The following EXOC7 variants were observed in gnomAD, a reference collection of about 807,000 sequenced individuals.
EXOC7 encodes the protein exocyst complex component 7.
EXOC7 carries 51 observed loss-of-function variants against 87.6 expected under a neutral mutation model. That is an observed-to-expected ratio of 0.58 (90% CI 0.46 to 0.73). The LOEUF is 0.73. Among genes scored for constraint, EXOC7 ranks in the 30% least tolerant of loss-of-function variants. The probability of loss-of-function intolerance (pLI) is 0.00; values close to 1 mark genes in which losing one functional copy is unlikely to be tolerated. For synonymous variants in EXOC7, 327 were observed against 357.1 expected, an observed-to-expected ratio of 0.92 and a Z score of 0.95; for missense variants, 744 against 888.4, an observed-to-expected ratio of 0.84 and a Z score of 2.07.
At position 76,088,140 on chromosome 17, in the gene EXOC7, C is replaced by T; in HGVS notation, c.1300-18G>A. ...GGGTCATTCTGTGGAAAAACAGCCT[C>T]TGGTTCCCTGAAGCAGCCCCCAGCC... On this transcript the variant is annotated intron_variant, in intron 10 of 18. Transcript: ENST00000589210. 3 of 1,613,204 alleles carry T rather than the reference C, an allele frequency of 1.9e-6. No individual in the cohort carries two copies. The highest frequency in any genetic ancestry group is 2.5e-6 in the Non-Finnish European group (3 of 1,179,660).
chr17:76,103,428 T>TG lies in EXOC7; in HGVS notation c.61-3dup, dbSNP rs775216746. ...GATGAAGGACAGAGTCTCCTCCTCC[T>TG]GGGGGCAGGCAAGGGGAGGACATCA... On this transcript the variant is annotated splice_region_variant and splice_polypyrimidine_tract_variant and intron_variant, in intron 1 of 18. Transcript: ENST00000589210. The TG allele has an allele frequency of 1.9e-6, 3 of 1,600,146 alleles. No homozygotes were observed. The highest frequency in any genetic ancestry group is 2.3e-5 in the South Asian group (2 of 88,848).
At chr17:76,087,757 C>T in intron 11 of EXOC7, 37 bp from the exon 12 acceptor site, 5 of 1,547,512 alleles carry the variant, frequency 3.2e-6, no homozygotes, top group Non-Finnish European at 4.4e-6. Flanking sequence ...GGGCAAGTGG[C>T]AGGCCCGGCC....
rs1220208708 is a variant in EXOC7 at position 76,088,821 on chromosome 17, T to C, written c.1150A>G (p.Ile384Val). 23 of 1,613,686 alleles carry C rather than the reference T, an allele frequency of 1.4e-5. No individual in the cohort carries two copies. The highest frequency in any genetic ancestry group is 5.1e-6 in the Non-Finnish European group (6 of 1,180,014). ...TTGGTCTGCTTGAGGTGTCGCAGGA[T>C]GGGGAAGACGGTGAGCACCGTGGAG... ...DFSTVLTVFP[I>V]LRHLKQTKPE... Residue 384 changes from isoleucine (I) to valine (V), a missense_variant, in exon 9 of 19, where the codon ATC becomes GTC. Ile to Val is a conservative substitution (Grantham distance 29, BLOSUM62 3). Around this residue, in one of 3 missense-constraint regions of EXOC7, gnomAD observed 512 missense variants for 573.0 expected, o/e 0.89. Transcript: ENST00000589210.
At chr17:76,088,663 C>G in intron 9 of EXOC7, 101 bp from the exon 10 acceptor site, 1 of 1,594,842 alleles carries the variant, frequency 6.3e-7, no homozygotes. Context: ...ACCTTCAGAG[C>G]AGAAGTGTGG....
At chr17:76,085,179 A>T (rs2067154521) in intron 15 of EXOC7, 135 bp downstream of exon 15, 1 of 736,562 alleles carries the variant, frequency 1.4e-6, no homozygotes, top group Admixed American at 2.3e-5. Flanking sequence ...GAGTTTGATT[A>T]GAAACCAAGT....
chr17:76,082,533 G>A lies in EXOC7; in HGVS notation c.*1115C>T. 6.2e-7 allele frequency: 1 copy of A among 1,613,890 alleles called. No homozygotes were observed. The highest frequency in any genetic ancestry group is 8.5e-7 in the Non-Finnish European group (1 of 1,179,944). ...CTGCTGACCGCATCTTCTTCCTCGT[G>A]TATGTGGTTGGGGTGCTGTGCACCC... On this transcript the variant is annotated 3_prime_UTR_variant, in exon 19 of 19. Transcript: ENST00000589210.
rs2067654292 is a variant in EXOC7, at chr17:76,094,532, G to A, written c.690C>T (p.Ser230=). The A allele has an allele frequency of 6.2e-7, 1 of 1,614,042 alleles. No homozygotes were observed. Among genetic ancestry groups the A allele is most frequent in the Non-Finnish European group, 8.5e-7 (1 of 1,179,998 alleles). ...YQIRSSQLDR[S]IKGLKEHFHK... ...GGAAATGCTCCTTCAGTCCTTTGAT[G>A]GAGCGGTCCAGCTGGCTGGAGCGTA... Residue 230 remains serine, a synonymous_variant, in exon 6 of 19, where the codon TCC becomes TCT. Transcript: ENST00000589210.
intron 15 of EXOC7, 130 bp downstream of exon 15, chr17:76,085,184 C>A: frequency 1.3e-6 from 1 of 754,384 alleles, no homozygotes; most frequent in South Asian, 1.7e-5. Context: ...TGATTAGAAA[C>A]CAAGTGGAGG....
chr17:76,097,305 C>G (rs890140419), intron 5 of EXOC7, among the ~76,000 whole-genome samples: 2 of 152,130 alleles, frequency 1.3e-5, no homozygotes, highest in Admixed American at 1.3e-4. Context: ...TTTGAATTTG[C>G]CTAGATTCAC....
In EXOC7 at chr17:76,091,388, A is replaced by G. The variant is rs2067474372; in HGVS notation, c.809-153T>C. On this transcript the variant is annotated intron_variant, in intron 6 of 18. Coordinates refer to ENST00000589210, the MANE Select transcript of EXOC7 (RefSeq NM_001013839.4). ...TGAGACCACCAGAGACGCTGGGGAC[A>G]AGGATGAAGGAAAGGAGTCATTTCC... is the stretch of plus-strand genomic sequence containing the variant. 4 of 612,982 alleles carry G rather than the reference A, an allele frequency of 6.5e-6. No individual in the cohort carries two copies. The Admixed American group carries it at 1.2e-4, about 18-fold the overall frequency. The allele number at this position is 612,982 out of a possible 1,614,324, so 38.0% of individuals were successfully genotyped here. A position where few individuals can be genotyped will look rare whatever the true frequency, so the allele number is the denominator to read the frequency against.
intron 13 of EXOC7, 22 bp downstream of exon 13, chr17:76,086,058 G>C: frequency 6.2e-7 from 1 of 1,612,486 alleles, no homozygotes; most frequent in Non-Finnish European, 8.5e-7. Flanking sequence ...AGGGCTGCTG[G>C]TCTGCCCGGG....
At chr17:76,085,472 C>A in intron 14 of EXOC7, 63 bp from the exon 15 acceptor site, 1 of 1,532,140 alleles carries the variant, frequency 6.5e-7, no homozygotes. Flanking sequence ...CCAAAGGCTG[C>A]GGCAATGCCG....
Position 76,082,471 on chromosome 17 carries a change from AGAG to A in EXOC7, c.*1174_*1176del. 1 of 1,611,416 alleles carries A rather than the reference AGAG, an allele frequency of 6.2e-7. No individual in the cohort carries two copies. The highest frequency in any genetic ancestry group is 8.5e-7 in the Non-Finnish European group (1 of 1,178,680). On this transcript the variant is annotated 3_prime_UTR_variant, in exon 19 of 19. Coordinates refer to ENST00000589210, the MANE Select transcript of EXOC7 (RefSeq NM_001013839.4). ...TGTATCTCTCCCCACAGAGCCCTCCAGAGGAGTAAAGGGGTCACAGAGAAGCTG... is the reference window on the plus strand; with the variant it reads ...TGTATCTCTCCCCACAGAGCCCTCCAGAGTAAAGGGGTCACAGAGAAGCTG...
At chr17:76,098,473 G>A (rs552461125) in intron 4 of EXOC7, among the ~76,000 whole-genome samples, 1 of 152,120 alleles carries the variant, frequency 6.6e-6, no homozygotes, top group East Asian at 1.9e-4. Flanking sequence ...GAAACGCTGG[G>A]AAGCGGCCTT....
chr17:76,101,565 C>G, intron 3 of EXOC7, 114 bp downstream of exon 3: 2 of 1,398,470 alleles, frequency 1.4e-6, no homozygotes, highest in South Asian at 2.7e-5. Context: ...TCTTGAACTC[C>G]TAGTCTCAAG....
rs748537034 is a variant in EXOC7 at position 76,089,194 on chromosome 17, G to A, written c.1028C>T (p.Thr343Ile). ...DIIPEHHQKK[T>I]FDSLIQDALD... ...CGGGACCTGTATCAGGGAGTCGAAG[G>A]TCTTCTTCTGGTGGTGCTCGGGGAT... Residue 343 changes from threonine to isoleucine, a missense_variant, in exon 8 of 19, where the codon ACC (threonine) becomes ATC (isoleucine). This residue lies in a region of EXOC7 where 512 missense variants were observed against 573.0 expected (regional missense o/e 0.89). Coordinates refer to ENST00000589210, the MANE Select transcript of EXOC7 (RefSeq NM_001013839.4). 1.7e-5 allele frequency: 28 copies of A among 1,613,678 alleles called. No homozygotes were observed. Among genetic ancestry groups the A allele is most frequent in the Non-Finnish European group, 2.3e-5 (27 of 1,180,014 alleles).
At position 76,081,423 on chromosome 17, in the gene EXOC7, G is replaced by T. The variant is rs1209802979; in HGVS notation, c.*2225C>A. 6.2e-7 allele frequency: 1 copy of T among 1,613,792 alleles called. No individual in the cohort carries two copies. The highest frequency in any genetic ancestry group is 2.2e-5 in the East Asian group (1 of 44,882). ...TGACGGTGAGTCAAGTCGGGAGGAG[G>T]CCGACAGAGGGCTGCTGGAGGCGGG... On this transcript the variant is annotated 3_prime_UTR_variant, in exon 19 of 19. Transcript: ENST00000589210.
chr17:76,084,806 A>C, intron 15 of EXOC7: 2 of 580,268 alleles, frequency 3.4e-6, no homozygotes, highest in South Asian at 4.2e-5. Context: ...AAATTGGACA[A>C]ATACTGTCAA....
chr17:76,088,922 T>C lies in EXOC7; in HGVS notation c.1049A>G (p.Asp350Gly). The C allele has an allele frequency of 6.2e-7, 1 of 1,612,424 alleles. No homozygotes were observed. Among genetic ancestry groups the C allele is most frequent in the Non-Finnish European group, 8.5e-7 (1 of 1,179,834 alleles). The change falls in exon 9 of 19, where the codon GAT becomes GGT. Residue 350 changes from aspartate to glycine, a missense_variant and splice_region_variant. Coordinates refer to ENST00000589210, the MANE Select transcript of EXOC7 (RefSeq NM_001013839.4). ...QKKTFDSLIQ[D>G]ALDGLMLEGE... is the part of the protein sequence containing the mutation. Reference sequence around the variant, plus strand: ...TTCAAGCATCAGCCCATCCAGGGCATCCTGAGGGGGCAGGGAGACAGTTCA... The same window carrying C: ...TTCAAGCATCAGCCCATCCAGGGCACCCTGAGGGGGCAGGGAGACAGTTCA...
Sources: allele counts gnomAD v4.1 joint callset (sites outside exome capture counted in the v4.1 genomes callset), GRCh38; gene constraint gnomAD v4.1.1; regional missense constraint gnomAD v4.1.1; transcripts MANE v1.5; gene names NCBI Gene and HGNC (gene_info 2026-07-23, HGNC 2026-07-21).